The following MROH9 variants were observed in gnomAD, a reference collection of about 807,000 sequenced individuals.
MROH9 encodes maestro heat like repeat family member 9.
In MROH9, 92 loss-of-function variants were observed where a neutral mutation model predicts 98.2. The ratio of observed to expected loss-of-function variants is 0.94; its 90% CI spans 0.79 to 1.11. MROH9 has a LOEUF of 1.11. MROH9 is among the 50% of genes most tolerant of loss of function. The pLI is 0.00. For synonymous variants in MROH9, 397 were observed against 368.9 expected (o/e 1.08, Z -0.87); for missense variants, 1,057 against 1,014.8 (o/e 1.04, Z -0.57).
At chr1:171,055,635 A>G (rs1653814693) in intron 20 of MROH9, among the ~76,000 whole-genome samples, 1 of 151,524 alleles carries the variant, frequency 6.6e-6, no homozygotes, top group African/African-American at 2.4e-5. Context: ...AAAAAAAAAA[A>G]AAAAAAGATA....
chr1:170,942,049 A>G (rs2101865101), intron 1 of MROH9, among the ~76,000 whole-genome samples: 1 of 152,262 alleles, frequency 6.6e-6, no homozygotes, highest in Admixed American at 6.5e-5. Context: ...GTGAGCCCAT[A>G]TCAATAAATT....
chr1:171,018,909 C>T (rs1652418946), intron 17 of MROH9, among the ~76,000 whole-genome samples: 1 of 151,888 alleles, frequency 6.6e-6, no homozygotes, highest in Non-Finnish European at 1.5e-5. Context: ...GACAGATCAA[C>T]AAGACAGCAA....
chr1:170,979,008 C>G (rs760032454), intron 8 of MROH9, among the ~76,000 whole-genome samples: 11 of 152,176 alleles, frequency 7.2e-5, no homozygotes, highest in Non-Finnish European at 1.5e-4. Context: ...CCAGGAGAAC[C>G]TGTTCAGTGA....
At chr1:170,999,026 A>G (rs1439133452) in intron 15 of MROH9, among the ~76,000 whole-genome samples, 1 of 152,090 alleles carries the variant, frequency 6.6e-6, no homozygotes. Context: ...GTCATCAATG[A>G]TTTCAAATAT....
At chr1:170,990,437 G>T (rs1387937561) in intron 11 of MROH9, among the ~76,000 whole-genome samples, 1 of 152,128 alleles carries the variant, frequency 6.6e-6, no homozygotes, top group Non-Finnish European at 1.5e-5. Flanking sequence ...ACCAATAACA[G>T]CATTAAAATT....
At chr1:171,000,783 T>C (rs986455124) in intron 15 of MROH9, among the ~76,000 whole-genome samples, 9 of 152,186 alleles carry the variant, frequency 5.9e-5, no homozygotes, top group African/African-American at 1.7e-4. Flanking sequence ...TCCTTCTTTC[T>C]CAATCTTGTG....
intron 8 of MROH9, among the ~76,000 whole-genome samples, chr1:170,972,139 C>T (rs1156554930): frequency 2.0e-5 from 3 of 152,102 alleles, no homozygotes; most frequent in Non-Finnish European, 4.4e-5. Flanking sequence ...GAGAGGAATG[C>T]TGGGTGGATC....
chr1:170,962,729 T>TG (rs79250706), intron 6 of MROH9, among the ~76,000 whole-genome samples: 12,099 of 151,936 alleles, frequency 0.08, 612 homozygotes, highest in Non-Finnish European at 0.11. Context: ...TAATTTGAGC[T>TG]GTTTTTTTTA....
At chr1:170,950,997 C>T (rs1649531582) in intron 3 of MROH9, among the ~76,000 whole-genome samples, 1 of 151,218 alleles carries the variant, frequency 6.6e-6, no homozygotes, top group Admixed American at 6.6e-5. Flanking sequence ...TCTTTTTTTC[C>T]CTAGTGTGGG....
intron 20 of MROH9, among the ~76,000 whole-genome samples, chr1:171,054,656 G>T (rs561318134): frequency 6.6e-6 from 1 of 152,036 alleles, no homozygotes; most frequent in African/African-American, 2.4e-5. Flanking sequence ...ACTCAAATCA[G>T]CAAGAAAGAA....
At chr1:171,057,729 T>G (rs1653890315) in intron 20 of MROH9, among the ~76,000 whole-genome samples, 1 of 152,056 alleles carries the variant, frequency 6.6e-6, no homozygotes, top group Non-Finnish European at 1.5e-5. Context: ...AAAGGCCAGG[T>G]CACCTACAAA....
At chr1:170,940,388 GT>G (rs1649076993) in intron 1 of MROH9, among the ~76,000 whole-genome samples, 1 of 152,176 alleles carries the variant, frequency 6.6e-6, no homozygotes. Flanking sequence ...TAATGAACCA[GT>G]GTAATGTTTG....
chr1:171,006,102 T>A (rs1295561601), intron 15 of MROH9, among the ~76,000 whole-genome samples: 1 of 152,240 alleles, frequency 6.6e-6, no homozygotes, highest in Non-Finnish European at 1.5e-5. Flanking sequence ...GCATTTCTTG[T>A]AAGTTAGGTC....
At chr1:170,959,347 C>T (rs950350062) in intron 4 of MROH9, 115 bp from the exon 5 acceptor site, 2 of 973,178 alleles carry the variant, frequency 2.1e-6, no homozygotes, top group Non-Finnish European at 1.4e-6. Flanking sequence ...TGCACTCCAG[C>T]CTGGGTGACA....
At chr1:171,027,652 A>C (rs28844574) in intron 20 of MROH9, among the ~76,000 whole-genome samples, 35,733 of 152,116 alleles carry the variant, frequency 0.23, 6,765 homozygotes, top group African/African-American at 0.53. Flanking sequence ...AATGGTTGAA[A>C]TAATTTACAT....
intron 8 of MROH9, among the ~76,000 whole-genome samples, chr1:170,981,156 T>G (rs1166700575): frequency 6.6e-6 from 1 of 152,212 alleles, no homozygotes; most frequent in African/African-American, 2.4e-5. Flanking sequence ...ACTTTTACAC[T>G]GTTGGTGGGA....
At chr1:171,024,830 T>C (rs1652654139) in intron 19 of MROH9, 65 bp downstream of exon 19, 1 of 939,556 alleles carries the variant, frequency 1.1e-6, no homozygotes, top group African/African-American at 1.7e-5. Flanking sequence ...ATATCCAAAG[T>C]GATAAAAACT....
intron 21 of MROH9, 26 bp downstream of exon 21, chr1:171,062,220 C>G (rs1173727181): frequency 6.9e-7 from 1 of 1,458,458 alleles, no homozygotes; most frequent in East Asian, 2.5e-5. Flanking sequence ...ATAACAAAAT[C>G]TTTATGCATA....
chr1:171,045,787 C>T (rs1392054686), intron 20 of MROH9, among the ~76,000 whole-genome samples: 1 of 152,030 alleles, frequency 6.6e-6, no homozygotes, highest in East Asian at 1.9e-4. Flanking sequence ...ATGAAATGTT[C>T]CTTAAATATA....
Sources: allele counts gnomAD v4.1 joint callset (sites outside exome capture counted in the v4.1 genomes callset), GRCh38; gene constraint gnomAD v4.1.1; transcripts MANE v1.5; gene names NCBI Gene and HGNC (gene_info 2026-07-23, HGNC 2026-07-21).